The following SPDYE21 variants were observed in gnomAD, a reference collection of about 807,000 sequenced individuals.
The protein encoded by SPDYE21 is speedy/RINGO cell cycle regulator family member E21.
SPDYE21 carries 14 observed loss-of-function variants against 36.2 expected under a neutral mutation model. That is an observed-to-expected ratio of 0.39 (90% CI 0.26 to 0.61). The LOEUF is 0.61. SPDYE21 is among the 20% of genes least tolerant of loss of function. The pLI, the probability that SPDYE21 is intolerant of heterozygous loss-of-function variation, is 0.55. For missense variants in SPDYE21, 233 were observed against 424.6 expected, an observed-to-expected ratio of 0.55 and a Z score of 3.97; for synonymous variants, 58 against 155.1, an observed-to-expected ratio of 0.37 and a Z score of 4.65.
intron 2 of SPDYE21, among the ~76,000 whole-genome samples, chr7:67,279,153 C>T (rs1481426915): frequency 6.9e-6 from 1 of 144,368 alleles, no homozygotes; most frequent in African/African-American, 2.6e-5. Flanking sequence ...GAAGAGGTTG[C>T]AGTGAGCTGA....
intron 5 of SPDYE21, among the ~76,000 whole-genome samples, chr7:67,283,164 A>G (rs568892955): frequency 1.3e-4 from 19 of 151,282 alleles, no homozygotes; most frequent in African/African-American, 4.6e-4. Flanking sequence ...GACACAGTCT[A>G]GCTCTGCTCC....
At chr7:67,277,196 G>A (rs968646298) in intron 1 of SPDYE21, among the ~76,000 whole-genome samples, 134 bp downstream of exon 1, 4 of 152,056 alleles carry the variant, frequency 2.6e-5, no homozygotes, top group African/African-American at 9.7e-5. Context: ...GAGTAGCTGC[G>A]ATTACAGGCA....
chr7:67,283,770 A>C, intron 5 of SPDYE21, 143 bp from the exon 6 acceptor site: 2 of 737,396 alleles, frequency 2.7e-6, no homozygotes, highest in South Asian at 1.5e-5. Context: ...CCATCCCGCA[A>C]TTTCCAAATG....
intron 6 of SPDYE21, among the ~76,000 whole-genome samples, chr7:67,284,552 A>AAGGAGTGG (rs1312112557): frequency 1.4e-5 from 2 of 145,606 alleles, no homozygotes; most frequent in Admixed American, 7.0e-5. Flanking sequence ...GGGAAAAGAA[A>AAGGAGTGG]AGGAGTGGAG....
At chr7:67,285,435 G>C (rs1197318304) in intron 6 of SPDYE21, among the ~76,000 whole-genome samples, 1 of 151,736 alleles carries the variant, frequency 6.6e-6, no homozygotes, top group Non-Finnish European at 1.5e-5. Context: ...CTGCCTCTCA[G>C]GCTGGAATGG....
chr7:67,286,691 G>A (rs1042979587), intron 8 of SPDYE21, among the ~76,000 whole-genome samples, 27 bp downstream of exon 8: 5 of 152,032 alleles, frequency 3.3e-5, no homozygotes, highest in Non-Finnish European at 5.9e-5. Flanking sequence ...CGGGGTAAAG[G>A]CAGAATATTG....
intron 5 of SPDYE21, among the ~76,000 whole-genome samples, chr7:67,283,566 C>T (rs2116510497): frequency 6.6e-6 from 1 of 152,188 alleles, no homozygotes; most frequent in Middle Eastern, 3.4e-3. Flanking sequence ...CTGGCCGCAG[C>T]CCTGAATCTC....
rs1162690442 is a variant in SPDYE21 at position 67,278,738 on chromosome 7, C to T, written c.25C>T (p.Arg9Cys). The change falls in exon 2 of 9, where the codon CGT (arginine) becomes TGT (cysteine). Residue 9 changes from arginine (R) to cysteine (C), a missense_variant. Physicochemically the swap from Arg to Cys is radical, Grantham distance 180 (BLOSUM62 -3). Around this residue, in one of 4 missense-constraint regions of SPDYE21, gnomAD observed 68 missense variants for 87.6 expected, o/e 0.78. Coordinates refer to ENST00000424157, the MANE Select transcript of SPDYE21 (RefSeq NM_001382715.2). Reference sequence around the variant, plus strand: ...CATGGACAGAACGGAGACTAGGTTCCGTAAGAGGGGACAGATTACGGGAAA... The same window carrying T: ...CATGGACAGAACGGAGACTAGGTTCTGTAAGAGGGGACAGATTACGGGAAA... Reference protein sequence around the residue: MDRTETRFRKRGQITGKIT... With the variant: MDRTETRFCKRGQITGKIT... Among the ~76,000 whole-genome samples, 6 of 150,900 alleles carry T rather than the reference C, an allele frequency of 4.0e-5. No individual in the cohort carries two copies. Among genetic ancestry groups the T allele is most frequent in the African/African-American group, 7.3e-5 (3 of 40,928 alleles).
intron 6 of SPDYE21, among the ~76,000 whole-genome samples, chr7:67,285,580 G>A (rs535386629): frequency 0.044 from 6,735 of 151,650 alleles, 428 homozygotes; most frequent in African/African-American, 0.15. Context: ...AGTAGAGATG[G>A]GGTTTCTCCG....
chr7:67,277,353 C>T (rs1315875964), intron 1 of SPDYE21, among the ~76,000 whole-genome samples: 1 of 150,696 alleles, frequency 6.6e-6, no homozygotes, highest in African/African-American at 2.4e-5. Context: ...GCCACTGAGC[C>T]CAGCCGGGAA....
intron 4 of SPDYE21, among the ~76,000 whole-genome samples, chr7:67,282,057 C>T (rs572934563): frequency 1.3e-5 from 2 of 152,152 alleles, no homozygotes; most frequent in Non-Finnish European, 2.9e-5. Flanking sequence ...CGCTTAAACC[C>T]GGGAGGCAGA....
intron 3 of SPDYE21, among the ~76,000 whole-genome samples, chr7:67,281,099 C>CAAAAAAAAAAA (rs3972832): frequency 1.1e-4 from 5 of 43,764 alleles, no homozygotes; most frequent in African/African-American, 1.7e-4. Context: ...ACAACAACAA[C>CAAAAAAAAAAA]AAAAAAAAAA....
rs374765313 is a variant in SPDYE21, at chr7:67,278,322, C to T, written c.-392C>T. Among the ~76,000 whole-genome samples, 74 of 127,706 alleles carry T rather than the reference C, an allele frequency of 5.8e-4. No individual in the cohort carries two copies. Among genetic ancestry groups the T allele is most frequent in the African/African-American group, 9.0e-4 (30 of 33,496 alleles). 83.8% of individuals were successfully genotyped at this position (127,706 alleles called of 152,430 possible). On this transcript the variant is annotated 5_prime_UTR_variant, in exon 2 of 9. The change creates a new upstream start codon in the 5' untranslated region. Coordinates refer to ENST00000424157, the MANE Select transcript of SPDYE21 (RefSeq NM_001382715.2). ...ACTCTGAAATGGGCATGTACAGAGA[C>T]GAAGAGACCCCAACATGCTTCAGGC...
rs1340888060 is a variant in SPDYE21 at position 67,288,942 on chromosome 7, T to C, written c.*1470T>C. 1.3e-5 allele frequency among the ~76,000 whole-genome samples: 2 copies of C among 148,238 alleles called. No individual in the cohort carries two copies. Among genetic ancestry groups the C allele is most frequent in the African/African-American group, 2.5e-5 (1 of 39,910 alleles). ...GAGCTGTGTGTTTTCAAGAGAACAATAGAGTGCGTCTCTTGGGGAAACATA... is the reference window on the plus strand; with the variant it reads ...GAGCTGTGTGTTTTCAAGAGAACAACAGAGTGCGTCTCTTGGGGAAACATA... On this transcript the variant is annotated 3_prime_UTR_variant, in exon 9 of 9. Transcript: ENST00000424157.
chr7:67,287,183 T>G (rs1225805832), intron 8 of SPDYE21, among the ~76,000 whole-genome samples: 1 of 152,318 alleles, frequency 6.6e-6, no homozygotes, highest in Non-Finnish European at 1.5e-5. Flanking sequence ...GTTTAGATCT[T>G]AAGTGACACA....
chr7:67,280,691 CAAAAAAAAAAAAAAAAAAA>C (rs1180256690), intron 3 of SPDYE21, among the ~76,000 whole-genome samples: 1 of 15,044 alleles, frequency 6.6e-5, no homozygotes, highest in African/African-American at 2.4e-4. Flanking sequence ...GAAGCTGTCT[CAAAAAAAAAAAAAAAAAAA>C]AAAAAAAAAA....
At position 67,288,433 on chromosome 7, in the gene SPDYE21, TG is replaced by T. The variant is rs1328306476; in HGVS notation, c.*964del. On this transcript the variant is annotated 3_prime_UTR_variant, in exon 9 of 9. Transcript: ENST00000424157. ...TTTTATTGGTTTATTTTGAAAAACA[TG>T]GGTATAGAATTATTTAAATATTATT... 6.8e-6 allele frequency among the ~76,000 whole-genome samples: 1 copy of T among 147,214 alleles called. No homozygotes were observed. Among genetic ancestry groups the T allele is most frequent in the Non-Finnish European group, 1.5e-5 (1 of 66,602 alleles).
At chr7:67,277,167 T>C (rs1453644378) in intron 1 of SPDYE21, among the ~76,000 whole-genome samples, 105 bp downstream of exon 1, 1 of 152,112 alleles carries the variant, frequency 6.6e-6, no homozygotes, top group Non-Finnish European at 1.5e-5. Flanking sequence ...GTTCAAGTGA[T>C]TCTCCAGCGC....
At chr7:67,284,448 C>CA (rs3980859) in intron 6 of SPDYE21, among the ~76,000 whole-genome samples, 1,201 of 38,268 alleles carry the variant, frequency 0.031, 120 homozygotes, top group African/African-American at 0.093. Context: ...GACTTTTTCT[C>CA]AAAAAAAAAA....
Sources: gnomAD v4.1 joint callset for allele counts (sites outside exome capture counted in the v4.1 genomes callset) on GRCh38, gnomAD v4.1.1 for gene constraint, gnomAD v4.1.1 regional missense constraint, MANE v1.5 for transcripts, NCBI Gene and HGNC (gene_info 2026-07-23, HGNC 2026-07-21) for gene names.